EPHX4: variants seen among roughly 807,000 people sequenced by gnomAD.
The protein encoded by EPHX4 is abhydrolase domain containing 7.
A neutral mutation model predicts 44.9 loss-of-function variants in EPHX4; 31 were observed. That is an observed-to-expected ratio of 0.69 (90% confidence interval 0.52 to 0.93). The LOEUF (loss-of-function observed/expected upper bound fraction) is 0.93. Ranked by LOEUF, EPHX4 falls within the 40% of genes least tolerant of loss-of-function variation. The probability of loss-of-function intolerance (pLI) is 0.00; values close to 1 mark genes in which losing one functional copy is unlikely to be tolerated. For missense variants in EPHX4, 373 were observed against 438.1 expected (o/e 0.85, Z 1.33); for synonymous variants, 151 against 159.7 (o/e 0.95, Z 0.41).
chr1:92,047,961 G>A (rs544241465), intron 4 of EPHX4, among the ~76,000 whole-genome samples: 1 of 152,132 alleles, frequency 6.6e-6, no homozygotes, highest in South Asian at 2.1e-4. Flanking sequence ...ACCATGGCCG[G>A]GCACATTTTT....
chr1:92,040,417 T>C (rs1458040941), intron 2 of EPHX4, among the ~76,000 whole-genome samples: 1 of 150,192 alleles, frequency 6.7e-6, no homozygotes, highest in African/African-American at 2.5e-5. Flanking sequence ...CGATCTCAGC[T>C]CACCTCAACC....
chr1:92,034,144 AAAAAAATT>A (rs1045380727), intron 2 of EPHX4, among the ~76,000 whole-genome samples: 1 of 150,628 alleles, frequency 6.6e-6, no homozygotes, highest in African/African-American at 2.4e-5. Flanking sequence ...TACAAAAAAA[AAAAAAATT>A]AGCTGTGCTT....
chr1:92,039,700 C>A (rs1224007263), intron 2 of EPHX4, among the ~76,000 whole-genome samples: 1 of 152,274 alleles, frequency 6.6e-6, no homozygotes, highest in Non-Finnish European at 1.5e-5. Flanking sequence ...GCTGCCCAGG[C>A]TGGAGTGCGG....
chr1:92,036,845 T>G (rs1335095566), intron 2 of EPHX4, among the ~76,000 whole-genome samples: 1 of 152,174 alleles, frequency 6.6e-6, no homozygotes, highest in African/African-American at 2.4e-5. Flanking sequence ...GGAGTCATAC[T>G]CTAAACCAAG....
At chr1:92,056,736 C>A (rs1334419264) in intron 6 of EPHX4, among the ~76,000 whole-genome samples, 2 of 151,808 alleles carry the variant, frequency 1.3e-5, no homozygotes, top group East Asian at 3.9e-4. Flanking sequence ...CCACCTCAGC[C>A]TCCCAAAGTG....
At position 92,063,464 on chromosome 1, in the gene EPHX4, A is replaced by G; in HGVS notation, c.*178A>G. ...TGAGATCATGTGAACATATAATACA[A>G]TGTTGATTTTCTTCTGGTGTATTTT... is the stretch of plus-strand genomic sequence containing the variant. On this transcript the variant is annotated 3_prime_UTR_variant, in exon 7 of 7. Coordinates refer to ENST00000370383, the MANE Select transcript of EPHX4 (RefSeq NM_173567.5). 2.0e-6 allele frequency: 1 copy of G among 494,250 alleles called. No homozygotes were observed. The highest frequency in any genetic ancestry group is 3.5e-6 in the Non-Finnish European group (1 of 283,294). 30.6% of individuals were successfully genotyped at this position (494,250 alleles called of 1,614,324 possible). A position where few individuals can be genotyped will look rare whatever the true frequency, so the allele number is the denominator to read the frequency against.
intron 5 of EPHX4, among the ~76,000 whole-genome samples, chr1:92,051,222 G>A (rs894100109): frequency 1.2e-4 from 18 of 151,134 alleles, no homozygotes; most frequent in African/African-American, 4.4e-4. Context: ...ATAATTATGT[G>A]TATAACTGTG....
intron 1 of EPHX4, among the ~76,000 whole-genome samples, 175 bp downstream of exon 1, chr1:92,030,485 TGAGA>T (rs371017117): frequency 1.4e-4 from 20 of 138,650 alleles, no homozygotes; most frequent in East Asian, 6.0e-4. Flanking sequence ...TGTGTGTGTG[TGAGA>T]GAGAGAGAGA....
At chr1:92,052,785 G>C (rs1171967475) in intron 6 of EPHX4, 127 bp downstream of exon 6, 1 of 816,186 alleles carries the variant, frequency 1.2e-6, no homozygotes, top group African/African-American at 1.8e-5. Flanking sequence ...AATTTTTTTA[G>C]TAAGTTGCAT....
rs1179077001 is a variant in EPHX4 at position 92,052,573 on chromosome 1, A to G, written c.772A>G (p.Thr258Ala). 6.2e-7 allele frequency: 1 copy of G among 1,612,998 alleles called. No individual in the cohort carries two copies. Among genetic ancestry groups the G allele is most frequent in the African/African-American group, 1.3e-5 (1 of 75,020 alleles). Residue 258 changes from threonine to alanine, a missense_variant, in exon 6 of 7, where the codon ACA (threonine) becomes GCA (alanine). Coordinates refer to ENST00000370383, the MANE Select transcript of EPHX4 (RefSeq NM_173567.5). ...GIGRKGCQLT[T>A]EDLEAYIYVF... Reference sequence around the variant, plus strand: ...TGGAAGAAAAGGATGCCAATTAACAACAGAGGATCTTGAAGCTTATATTTA... The same window carrying G: ...TGGAAGAAAAGGATGCCAATTAACAGCAGAGGATCTTGAAGCTTATATTTA...
In EPHX4 at chr1:92,063,536, G is replaced by A. The variant is rs1385919439; in HGVS notation, c.*250G>A. On this transcript the variant is annotated 3_prime_UTR_variant, in exon 7 of 7. Coordinates refer to ENST00000370383, the MANE Select transcript of EPHX4 (RefSeq NM_173567.5). ...AAAATATATACACTTGTACAAAAAG[G>A]AAGTTTGGAGTAAGTGCTTCCATTT... 1 of 254,106 alleles carries A rather than the reference G, an allele frequency of 3.9e-6. No homozygotes were observed. The highest frequency in any genetic ancestry group is 7.5e-6 in the Non-Finnish European group (1 of 133,778). 15.7% of individuals were successfully genotyped at this position (254,106 alleles called of 1,614,324 possible). A position where few individuals can be genotyped will look rare whatever the true frequency, so the allele number is the denominator to read the frequency against.
chr1:92,056,222 G>A (rs945348647), intron 6 of EPHX4, among the ~76,000 whole-genome samples: 2 of 152,014 alleles, frequency 1.3e-5, no homozygotes, highest in African/African-American at 4.8e-5. Flanking sequence ...ATTAAAAACA[G>A]GCACGTTAAG....
intron 4 of EPHX4, among the ~76,000 whole-genome samples, chr1:92,046,705 G>A (rs376193742): frequency 2.7e-4 from 41 of 152,182 alleles, no homozygotes; most frequent in Middle Eastern, 3.4e-3. Flanking sequence ...CTTGTGATCC[G>A]CCCGCCTCAG....
chr1:92,058,543 C>T (rs1018293552), intron 6 of EPHX4, among the ~76,000 whole-genome samples: 2 of 151,734 alleles, frequency 1.3e-5, no homozygotes, highest in Non-Finnish European at 2.9e-5. Flanking sequence ...TAAAATTTAA[C>T]GCACATTCAT....
intron 5 of EPHX4, among the ~76,000 whole-genome samples, chr1:92,051,191 A>G (rs758763687): frequency 6.6e-5 from 10 of 152,128 alleles, no homozygotes; most frequent in Non-Finnish European, 1.5e-4. Flanking sequence ...TTTAAAAGGT[A>G]TAATATAATT....
intron 2 of EPHX4, among the ~76,000 whole-genome samples, chr1:92,040,176 A>ATTTTTT (rs10646888): frequency 5.3e-5 from 6 of 112,152 alleles, no homozygotes; most frequent in Non-Finnish European, 6.8e-5. Flanking sequence ...TGTTACAATG[A>ATTTTTT]TTTTTTTTTT....
Position 92,042,838 on chromosome 1 carries a change from C to CGTAA in EPHX4, c.333_334insGTAA (p.Gln112ValfsTer7), listed in dbSNP as rs751012056. On this transcript the variant is annotated frameshift_variant, in exon 3 of 7. Transcript: ENST00000370383. LOFTEE classifies it high-confidence loss of function. ...TTTCCTGCAGGTATTCTTGGCGTTA[C>CGTAA]CAACTGAGAGAATTTAAAAGTGAAT... is the stretch of plus-strand genomic sequence containing the variant. The CGTAA allele has an allele frequency of 2.8e-5, 45 of 1,610,894 alleles. No homozygotes were observed. The highest frequency in any genetic ancestry group is 3.6e-5 in the Non-Finnish European group (43 of 1,178,976).
chr1:92,033,773 A>G (rs10875139), intron 2 of EPHX4, among the ~76,000 whole-genome samples: 148,895 of 152,180 alleles, frequency 0.98, 72,908 homozygotes, highest in East Asian at 1. Flanking sequence ...AGACTGGGAA[A>G]TCCAAGATCA....
At chr1:92,060,717 A>C (rs1647477798) in intron 6 of EPHX4, among the ~76,000 whole-genome samples, 1 of 152,030 alleles carries the variant, frequency 6.6e-6, no homozygotes, top group Non-Finnish European at 1.5e-5. Flanking sequence ...CCAGGAGTTC[A>C]AAACCAGCCT....
Sources: gnomAD v4.1 joint callset for allele counts (sites outside exome capture counted in the v4.1 genomes callset) on GRCh38, gnomAD v4.1.1 for gene constraint, MANE v1.5 for transcripts, NCBI Gene and HGNC (gene_info 2026-07-23, HGNC 2026-07-21) for gene names.